IGSF21: variants seen among roughly 807,000 people sequenced by gnomAD.
The protein encoded by IGSF21 is immunoglobulin superfamily member 21.
IGSF21 carries 28 observed loss-of-function variants against 46.8 expected under a neutral mutation model. That is an observed-to-expected ratio of 0.60 (90% CI 0.44 to 0.82). IGSF21 has a LOEUF of 0.82. Among genes scored for constraint, IGSF21 ranks in the 40% least tolerant of loss-of-function variants. The pLI, the probability that IGSF21 is intolerant of heterozygous loss-of-function variation, is 0.00. For missense variants in IGSF21, 624 were observed against 665.5 expected, an observed-to-expected ratio of 0.94 and a Z score of 0.69; for synonymous variants, 284 against 273.6, an observed-to-expected ratio of 1.04 and a Z score of -0.38.
chr1:18,185,979 G>T (rs1445777307), intron 1 of IGSF21, among the ~76,000 whole-genome samples: 1 of 152,140 alleles, frequency 6.6e-6, no homozygotes, highest in African/African-American at 2.4e-5. Flanking sequence ...GAAATAAAGT[G>T]GTGGAAAGTG....
At chr1:18,248,464 A>G (rs945967747) in intron 2 of IGSF21, among the ~76,000 whole-genome samples, 9 of 152,142 alleles carry the variant, frequency 5.9e-5, no homozygotes, top group African/African-American at 2.2e-4. Context: ...CCATTAGAAC[A>G]GGGAGGCTCG....
chr1:18,248,977 G>A (rs1375901994), intron 2 of IGSF21, among the ~76,000 whole-genome samples: 1 of 152,150 alleles, frequency 6.6e-6, no homozygotes, highest in East Asian at 1.9e-4. Flanking sequence ...TTTGAAGAAT[G>A]AGTAGAACCT....
chr1:18,241,483 T>C (rs2084727316), intron 2 of IGSF21, among the ~76,000 whole-genome samples: 1 of 152,184 alleles, frequency 6.6e-6, no homozygotes, highest in South Asian at 2.1e-4. Flanking sequence ...TGCTAGATAG[T>C]GGTTGAGTCA....
chr1:18,357,114 GAGA>G (rs751713855), intron 4 of IGSF21, among the ~76,000 whole-genome samples: 19 of 149,850 alleles, frequency 1.3e-4, no homozygotes, highest in Non-Finnish European at 2.5e-4. Context: ...GATAAGAATA[GAGA>G]AGGAGATTGA....
At chr1:18,293,150 C>A (rs1033169758) in intron 3 of IGSF21, among the ~76,000 whole-genome samples, 3 of 152,200 alleles carry the variant, frequency 2.0e-5, no homozygotes, top group African/African-American at 7.2e-5. Flanking sequence ...GTCTCTGTGA[C>A]CGTGAGCTCC....
At chr1:18,154,478 C>T (rs2086550429) in intron 1 of IGSF21, among the ~76,000 whole-genome samples, 1 of 152,106 alleles carries the variant, frequency 6.6e-6, no homozygotes, top group Non-Finnish European at 1.5e-5. Context: ...AGGCTGGGAT[C>T]ACCCCTGTCA....
rs2124394173 is a variant in IGSF21, at chr1:18,108,212, C to T, written c.70+14C>T. ...ACCTGGCGCGCGGTGAGTGCGCGGG[C>T]GCCTGGCGGGAGCCGAGCGGTGAAC... is the stretch of plus-strand genomic sequence containing the variant. On this transcript the variant is annotated intron_variant, in intron 1 of 9. Transcript: ENST00000251296. 7.3e-7 allele frequency: 1 copy of T among 1,376,856 alleles called. No individual in the cohort carries two copies. Among genetic ancestry groups the T allele is most frequent in the East Asian group, 3.1e-5 (1 of 32,052 alleles). The allele number at this position is 1,376,856 out of a possible 1,614,324, so 85.3% of individuals were successfully genotyped here.
intron 3 of IGSF21, among the ~76,000 whole-genome samples, chr1:18,295,729 C>A (rs1485582540): frequency 6.6e-6 from 1 of 152,224 alleles, no homozygotes; most frequent in Non-Finnish European, 1.5e-5. Flanking sequence ...GGTGCTTCCA[C>A]AGGGCTTTCT....
intron 1 of IGSF21, among the ~76,000 whole-genome samples, chr1:18,141,037 A>G (rs1337359934): frequency 1.3e-5 from 2 of 152,308 alleles, no homozygotes; most frequent in East Asian, 3.9e-4. Flanking sequence ...GAGCACGACC[A>G]GAGTGAAGCA....
chr1:18,154,629 C>G (rs1449953599), intron 1 of IGSF21, among the ~76,000 whole-genome samples: 5 of 124,400 alleles, frequency 4.0e-5, no homozygotes, highest in Non-Finnish European at 6.4e-5. Flanking sequence ...CCTGGGAGAG[C>G]AGTGGCTTCT....
chr1:18,354,827 G>A (rs1311916965), intron 4 of IGSF21, among the ~76,000 whole-genome samples: 1 of 152,150 alleles, frequency 6.6e-6, no homozygotes, highest in Non-Finnish European at 1.5e-5. Context: ...CCATTGGAGA[G>A]ATAATATAAT....
At chr1:18,366,921 G>A (rs1274529411) in intron 6 of IGSF21, among the ~76,000 whole-genome samples, 1 of 152,282 alleles carries the variant, frequency 6.6e-6, no homozygotes, top group Admixed American at 6.5e-5. Flanking sequence ...CTTCGTTGCT[G>A]AAAATATACA....
intron 1 of IGSF21, among the ~76,000 whole-genome samples, chr1:18,117,668 G>T (rs570165924): frequency 3.8e-4 from 58 of 152,284 alleles, no homozygotes; most frequent in African/African-American, 1.3e-3. Flanking sequence ...CCCACCATGT[G>T]GTAGGAGCAC....
In IGSF21 at chr1:18,334,811, G is replaced by A. The variant is rs1198317599; in HGVS notation, c.306-81G>A. On this transcript the variant is annotated intron_variant, in intron 3 of 9. Coordinates refer to ENST00000251296, the MANE Select transcript of IGSF21 (RefSeq NM_032880.5). The surrounding 1 kb of genome is among the most constrained non-coding windows in gnomAD (Gnocchi z 4.3). Reference sequence around the variant, plus strand: ...TTGTTAGTGGAGGCTGCACCAGTGGGCATCAGGATGAGTTTCCTTGAACGC... The same window carrying A: ...TTGTTAGTGGAGGCTGCACCAGTGGACATCAGGATGAGTTTCCTTGAACGC... The A allele has an allele frequency of 2.1e-6, 2 of 960,306 alleles. No individual in the cohort carries two copies. Among genetic ancestry groups the A allele is most frequent in the Non-Finnish European group, 3.4e-6 (2 of 594,376 alleles). The allele number at this position is 960,306 out of a possible 1,614,324, so 59.5% of individuals were successfully genotyped here.
intron 2 of IGSF21, among the ~76,000 whole-genome samples, chr1:18,277,709 C>T (rs1349115199): frequency 6.6e-6 from 1 of 152,158 alleles, no homozygotes; most frequent in African/African-American, 2.4e-5. Flanking sequence ...AAGGAATAAA[C>T]CATGGTACAC....
At chr1:18,140,148 A>T (rs900406787) in intron 1 of IGSF21, among the ~76,000 whole-genome samples, 1 of 151,990 alleles carries the variant, frequency 6.6e-6, no homozygotes, top group Non-Finnish European at 1.5e-5. Flanking sequence ...AGGTCCCATT[A>T]TGTTGCCCAA....
At chr1:18,329,558 G>T (rs1220685276) in intron 3 of IGSF21, among the ~76,000 whole-genome samples, 1 of 152,198 alleles carries the variant, frequency 6.6e-6, no homozygotes, top group Non-Finnish European at 1.5e-5. Flanking sequence ...AAGTTATACT[G>T]CAGCATGACA....
At chr1:18,118,446 C>T (rs952880412) in intron 1 of IGSF21, among the ~76,000 whole-genome samples, 2 of 152,186 alleles carry the variant, frequency 1.3e-5, no homozygotes, top group Admixed American at 6.5e-5. Context: ...GCTCACCGCC[C>T]GAGTGCTCTG....
intron 2 of IGSF21, among the ~76,000 whole-genome samples, chr1:18,276,911 C>A (rs764149258): frequency 1.2e-4 from 19 of 152,214 alleles, no homozygotes; most frequent in Non-Finnish European, 2.5e-4. Flanking sequence ...CAAGGACACT[C>A]ATACATACAA....
Sources: gnomAD v4.1 joint callset for allele counts (sites outside exome capture counted in the v4.1 genomes callset) on GRCh38, gnomAD v4.1.1 for gene constraint, Gnocchi (gnomAD v3.1) non-coding constraint, MANE v1.5 for transcripts, NCBI Gene and HGNC (gene_info 2026-07-23, HGNC 2026-07-21) for gene names.